PDXDC1: variants seen among roughly 807,000 people sequenced by gnomAD.
PDXDC1 encodes the protein pyridoxal dependent decarboxylase domain containing 1.
PDXDC1 carries 42 observed loss-of-function variants against 100.1 expected under a neutral mutation model. The ratio of observed to expected loss-of-function variants is 0.42; its 90% CI spans 0.33 to 0.54. The LOEUF is 0.54. PDXDC1 is among the 20% of genes least tolerant of loss of function. PDXDC1 has a pLI of 0.10. For synonymous variants in PDXDC1, 260 were observed against 371.7 expected, an observed-to-expected ratio of 0.70 and a Z score of 3.46; for missense variants, 636 against 979.2, an observed-to-expected ratio of 0.65 and a Z score of 4.68.
intron 16 of PDXDC1, chr16:15,110,706 T>G: frequency 6.3e-7 from 1 of 1,587,882 alleles, no homozygotes; most frequent in East Asian, 2.2e-5. Flanking sequence ...CTATGGGGAC[T>G]CCAACAGAAC....
At chr16:14,994,849 C>G (rs1245788430) in intron 1 of PDXDC1, among the ~76,000 whole-genome samples, 2 of 152,298 alleles carry the variant, frequency 1.3e-5, no homozygotes, top group African/African-American at 2.4e-5. Context: ...TTGAAGAGGT[C>G]GTTCACATCC....
chr16:15,128,962 C>G (rs558429782), intron 16 of PDXDC1, among the ~76,000 whole-genome samples: 2 of 150,222 alleles, frequency 1.3e-5, no homozygotes, highest in East Asian at 4.1e-4. Flanking sequence ...CCTGCCAACA[C>G]GCCGGCCTAA....
At chr16:15,073,230 C>A (rs1453006016) in intron 16 of PDXDC1, 8 of 866,610 alleles carry the variant, frequency 9.2e-6, no homozygotes, top group Non-Finnish European at 1.4e-5. Flanking sequence ...CTTTGGGAGG[C>A]CAAAGTGAGA....
intron 16 of PDXDC1, chr16:15,072,923 GATA>G: frequency 6.2e-7 from 1 of 1,610,540 alleles, no homozygotes; most frequent in Non-Finnish European, 8.5e-7. Flanking sequence ...AGTAAGCTAA[GATA>G]ATGTTAATCA....
At chr16:15,137,744 C>G (rs1018689220) in intron 16 of PDXDC1, 2 of 1,433,582 alleles carry the variant, frequency 1.4e-6, no homozygotes, top group East Asian at 4.9e-5. Flanking sequence ...CCCCACCCAC[C>G]GGCACTCACC....
rs76014038 is a variant in PDXDC1, at chr16:15,129,040, C to T, written c.1400-9839C>T. Among the ~76,000 whole-genome samples the T allele has an allele frequency of 3.3e-5, 5 of 151,666 alleles. No homozygotes were observed. The Middle Eastern group carries it at 0.01, about 310-fold the overall frequency. On this transcript the variant is annotated intron_variant, in intron 16 of 16. Transcript: ENST00000535621. Reference sequence around the variant, plus strand: ...CAGGATGGTCTCGATCTCCTGACCCCGTGATTTGCCTGCCTCGGCCTCCCA... The same window carrying T: ...CAGGATGGTCTCGATCTCCTGACCCTGTGATTTGCCTGCCTCGGCCTCCCA...
At position 15,033,334 on chromosome 16, in the gene PDXDC1, G is replaced by C; in HGVS notation, c.1747G>C (p.Val583Leu). ...TTATGTCGGCATGGCGAGCGACAAC[G>C]TCGATGCTGCTGAGCTCGTGGAGAC... ...CLYVGMASDN[V>L]DAAELVETIA... The change falls in exon 19 of 23, where the codon GTC (valine) becomes CTC (leucine). Residue 583 changes from valine (V) to leucine (L), a missense_variant. Val to Leu is a conservative substitution (Grantham distance 32). Around this residue, in one of 4 missense-constraint regions of PDXDC1, gnomAD observed 452 missense variants for 402.9 expected, o/e 1.12. Transcript: ENST00000396410. 6.2e-7 allele frequency: 1 copy of C among 1,614,188 alleles called. No homozygotes were observed. Among genetic ancestry groups the C allele is most frequent in the South Asian group, 1.1e-5 (1 of 91,086 alleles).
At chr16:15,031,355 A>C (rs2151636571) in intron 16 of PDXDC1, among the ~76,000 whole-genome samples, 1 of 152,246 alleles carries the variant, frequency 6.6e-6, no homozygotes, top group South Asian at 2.1e-4. Flanking sequence ...ACAGCAGCCC[A>C]CCACAGTACT....
At chr16:14,986,149 G>T (rs1248515705) in intron 1 of PDXDC1, among the ~76,000 whole-genome samples, 2 of 152,248 alleles carry the variant, frequency 1.3e-5, no homozygotes. Context: ...GAATAGTAGG[G>T]CTTGTTTTAT....
At chr16:15,088,773 C>A (rs893336341) in intron 16 of PDXDC1, among the ~76,000 whole-genome samples, 2 of 152,098 alleles carry the variant, frequency 1.3e-5, no homozygotes, top group African/African-American at 4.8e-5. Context: ...ACCAAGCCAA[C>A]AGATAATAAA....
At chr16:15,130,323 G>T in intron 16 of PDXDC1, 1 of 1,546,330 alleles carries the variant, frequency 6.5e-7, no homozygotes, top group Non-Finnish European at 8.7e-7. Flanking sequence ...CAGCCCCTCT[G>T]TCCGCCACAC....
chr16:15,133,568 C>G (rs1391217099), intron 16 of PDXDC1: 1 of 1,043,564 alleles, frequency 9.6e-7, no homozygotes, highest in Non-Finnish European at 1.5e-6. Flanking sequence ...TGGCCTGAAA[C>G]CCGGGGGCAG....
chr16:15,151,845 C>T, the PDXDC1 span, among the ~76,000 whole-genome samples: 4 of 131,416 alleles, frequency 3.0e-5, no homozygotes, highest in Admixed American at 2.4e-4. Context: ...GCAGGAAAAG[C>T]GCTTGAACCC....
At chr16:15,137,745 G>A in intron 16 of PDXDC1, 8 of 1,442,636 alleles carry the variant, frequency 5.5e-6, no homozygotes, top group South Asian at 2.4e-5. Context: ...CCCACCCACC[G>A]GCACTCACCA....
At chr16:15,044,372 T>C in intron 16 of PDXDC1, 1 of 1,613,754 alleles carries the variant, frequency 6.2e-7, no homozygotes, top group Middle Eastern at 1.7e-4. Context: ...CAACTGCCTG[T>C]CGTCACTGAA....
rs1246114992 is a variant in PDXDC1, at chr16:15,090,761, A to T, written c.1400-48118A>T. ...TCTAACTACCACTGCCATAGTAATA[A>T]ACCATTCTCTTCAAAACTGGGCAGT... is the stretch of plus-strand genomic sequence containing the variant. On this transcript the variant is annotated intron_variant, in intron 16 of 16. Transcript: ENST00000535621. Among the ~76,000 whole-genome samples the T allele has an allele frequency of 2.0e-5, 3 of 152,230 alleles. No individual in the cohort carries two copies. In the East Asian group the frequency reaches 5.8e-4, roughly 29 times the overall value.
chr16:15,018,244 AAAC>A (rs1355495325), intron 11 of PDXDC1, among the ~76,000 whole-genome samples: 12 of 152,172 alleles, frequency 7.9e-5, no homozygotes, highest in African/African-American at 2.7e-4. Flanking sequence ...CTATAAGAAA[AAAC>A]AACAACAAAG....
intron 1 of PDXDC1, chr16:14,996,263 G>A (rs1567636497): frequency 3.1e-6 from 1 of 327,554 alleles, no homozygotes. Flanking sequence ...CAATTTTGAG[G>A]AGGCAATGCA....
At chr16:14,995,359 T>G (rs1359817957) in intron 1 of PDXDC1, among the ~76,000 whole-genome samples, 2 of 152,300 alleles carry the variant, frequency 1.3e-5, no homozygotes, top group Non-Finnish European at 2.9e-5. Context: ...GAAGGGTTGT[T>G]GAATTTTGTC....
Sources: gnomAD v4.1 joint callset for allele counts (sites outside exome capture counted in the v4.1 genomes callset) on GRCh38, gnomAD v4.1.1 for gene constraint, gnomAD v4.1.1 regional missense constraint, MANE v1.5 for transcripts, NCBI Gene and HGNC (gene_info 2026-07-23, HGNC 2026-07-21) for gene names.